Variants in NRXN1 observed in about 807,000 individuals in gnomAD.
NRXN1 encodes the protein neurexin-1.
Under a neutral mutation model 150.9 loss-of-function variants are expected in NRXN1, and 39 were observed. That is an observed-to-expected ratio of 0.26 (90% CI 0.20 to 0.34). The LOEUF is 0.34. NRXN1 is among the 10% of genes least tolerant of loss of function. The probability of loss-of-function intolerance (pLI) is 1.00; values close to 1 mark genes in which losing one functional copy is unlikely to be tolerated. For synonymous variants in NRXN1, 924 were observed against 757.0 expected (o/e 1.22, Z -3.62); for missense variants, 1,815 against 1,949.9 (o/e 0.93, Z 1.30).
chr2:49,959,643 C>T (rs1298752998), intron 21 of NRXN1, among the ~76,000 whole-genome samples: 1 of 152,186 alleles, frequency 6.6e-6, no homozygotes, highest in South Asian at 2.1e-4. Flanking sequence ...TTTAACCTCT[C>T]ATTTGTAAAT....
intron 18 of NRXN1, among the ~76,000 whole-genome samples, chr2:50,174,433 A>G (rs959576914): frequency 2.0e-4 from 31 of 152,140 alleles, no homozygotes; most frequent in Admixed American, 3.9e-4. Flanking sequence ...TAATATTACT[A>G]TTGTTACTAA....
At chr2:50,493,030 T>C (rs897781322) in intron 15 of NRXN1, among the ~76,000 whole-genome samples, 3 of 152,200 alleles carry the variant, frequency 2.0e-5, no homozygotes, top group African/African-American at 4.8e-5. Flanking sequence ...GATTCTCAAG[T>C]AGCTAAAGTT....
intron 5 of NRXN1, among the ~76,000 whole-genome samples, chr2:50,860,143 A>C (rs1391840929): frequency 7.7e-6 from 1 of 129,630 alleles, no homozygotes; most frequent in Admixed American, 7.6e-5. Context: ...CATAACTCTC[A>C]ATCAATCAAC....
chr2:50,830,370 G>A (rs573541296), intron 5 of NRXN1, among the ~76,000 whole-genome samples: 1 of 151,976 alleles, frequency 6.6e-6, no homozygotes, highest in South Asian at 2.1e-4. Context: ...TCATCCACAT[G>A]CCGACATGAC....
chr2:49,922,251 G>A lies in NRXN1; in HGVS notation c.4217C>T (p.Ala1406Val). The change falls in exon 23 of 23, where the codon GCC becomes GTC. Residue 1406 changes from alanine (A) to valine (V), a missense_variant and splice_region_variant. Ala to Val is a moderately conservative substitution (Grantham distance 64). Around this residue, in one of 6 missense-constraint regions of NRXN1, gnomAD observed 265 missense variants for 307.1 expected, o/e 0.86. Transcript: ENST00000401669. ...TCTGCCGCCTGCTCGGGTTGGGTTG[G>A]CTATAGAAAAGAGGATGAGAACAAA... is the stretch of plus-strand genomic sequence containing the variant. ...DPCEPSSGGL[A>V]NPTRAGGREP... is the part of the protein sequence containing the mutation. The A allele has an allele frequency of 6.2e-7, 1 of 1,612,538 alleles. No individual in the cohort carries two copies.
chr2:50,400,160 T>G (rs2082305677), intron 17 of NRXN1, among the ~76,000 whole-genome samples: 1 of 152,080 alleles, frequency 6.6e-6, no homozygotes, highest in Non-Finnish European at 1.5e-5. Flanking sequence ...TACTGTTACT[T>G]GCTGATATAA....
At chr2:50,090,693 G>C (rs1573855108) in intron 19 of NRXN1, among the ~76,000 whole-genome samples, 1 of 152,104 alleles carries the variant, frequency 6.6e-6, no homozygotes, top group Non-Finnish European at 1.5e-5. Flanking sequence ...ATCAATAACG[G>C]CTTGACATTT....
chr2:50,675,115 G>C (rs1291317448), intron 5 of NRXN1, among the ~76,000 whole-genome samples: 1 of 152,096 alleles, frequency 6.6e-6, no homozygotes, highest in South Asian at 2.1e-4. Flanking sequence ...AAACCTTTCT[G>C]AGGCCTCACC....
At chr2:50,831,405 C>A (rs1005461011) in intron 5 of NRXN1, among the ~76,000 whole-genome samples, 3 of 152,116 alleles carry the variant, frequency 2.0e-5, no homozygotes, top group African/African-American at 7.2e-5. Flanking sequence ...ATGTCTAATT[C>A]CCTTTTTATA....
At chr2:50,429,710 T>C (rs550497599) in intron 17 of NRXN1, among the ~76,000 whole-genome samples, 82 of 152,300 alleles carry the variant, frequency 5.4e-4, no homozygotes, top group African/African-American at 1.9e-3. Context: ...ATTTTGTATG[T>C]ATTACCTAAT....
chr2:50,492,513 C>T (rs1354952135), intron 15 of NRXN1, among the ~76,000 whole-genome samples: 2 of 152,148 alleles, frequency 1.3e-5, no homozygotes, highest in Admixed American at 6.5e-5. Flanking sequence ...AACAGAGCCA[C>T]GGACAAAAGA....
At chr2:50,561,997 T>C (rs1669157038) in intron 8 of NRXN1, among the ~76,000 whole-genome samples, 1 of 152,214 alleles carries the variant, frequency 6.6e-6, no homozygotes, top group Non-Finnish European at 1.5e-5. Context: ...GCATGTCTGC[T>C]TTATCCAAAA....
intron 18 of NRXN1, among the ~76,000 whole-genome samples, chr2:50,217,798 A>C (rs569687380): frequency 6.6e-6 from 1 of 152,064 alleles, no homozygotes; most frequent in African/African-American, 2.4e-5. Flanking sequence ...TCACTTGCAT[A>C]CTTATTAAAA....
At chr2:50,111,657 A>T (rs2152725641) in intron 18 of NRXN1, among the ~76,000 whole-genome samples, 1 of 151,982 alleles carries the variant, frequency 6.6e-6, no homozygotes, top group South Asian at 2.1e-4. Context: ...GAAAAAAAAA[A>T]GTTACTCTCA....
chr2:50,571,946 T>C (rs1670730988), intron 8 of NRXN1, among the ~76,000 whole-genome samples: 2 of 152,178 alleles, frequency 1.3e-5, no homozygotes, highest in Non-Finnish European at 2.9e-5. Flanking sequence ...TGGGGAACTC[T>C]GAAAGCCTCT....
At chr2:49,996,104 T>C (rs574051277) in intron 21 of NRXN1, among the ~76,000 whole-genome samples, 1 of 152,218 alleles carries the variant, frequency 6.6e-6, no homozygotes, top group African/African-American at 2.4e-5. Context: ...CCTTATGGTG[T>C]AGAAGGGGAG....
At chr2:50,890,289 T>C (rs553811070) in intron 5 of NRXN1, among the ~76,000 whole-genome samples, 15 of 151,986 alleles carry the variant, frequency 9.9e-5, no homozygotes, top group Admixed American at 4.6e-4. Flanking sequence ...CCTTAAAATA[T>C]ATTTTGGATC....
chr2:50,973,537 G>A (rs764748207), intron 2 of NRXN1, among the ~76,000 whole-genome samples: 7 of 152,058 alleles, frequency 4.6e-5, no homozygotes, highest in Non-Finnish European at 1.0e-4. Flanking sequence ...CATTCTTTAA[G>A]TCCAACATTT....
At chr2:50,732,702 T>G (rs1440258031) in intron 5 of NRXN1, among the ~76,000 whole-genome samples, 3 of 152,180 alleles carry the variant, frequency 2.0e-5, no homozygotes, top group African/African-American at 7.2e-5. Context: ...TAAAGACTAC[T>G]TGTGTCAATG....
Sources: allele counts gnomAD v4.1 joint callset (sites outside exome capture counted in the v4.1 genomes callset), GRCh38; gene constraint gnomAD v4.1.1; regional missense constraint gnomAD v4.1.1; transcripts MANE v1.5; gene names NCBI Gene and HGNC (gene_info 2026-07-23, HGNC 2026-07-21).